Variants in MCF2L observed in about 807,000 individuals in gnomAD.
MCF2L encodes MCF.2 cell line derived transforming sequence like, also known as guanine nucleotide exchange factor DBS.
MCF2L carries 97 observed loss-of-function variants against 153.4 expected under a neutral mutation model. That is an observed-to-expected ratio of 0.63 (90% CI 0.54 to 0.75). MCF2L has a LOEUF of 0.75. Ranked by LOEUF, MCF2L falls within the 30% of genes least tolerant of loss-of-function variation. MCF2L has a pLI of 0.00. For missense variants in MCF2L, 1,347 were observed against 1,495.2 expected, an observed-to-expected ratio of 0.90 and a Z score of 1.64; for synonymous variants, 659 against 632.2, an observed-to-expected ratio of 1.04 and a Z score of -0.64.
chr13:113,056,230 A>G (rs2087759272), intron 4 of MCF2L, among the ~76,000 whole-genome samples: 1 of 152,152 alleles, frequency 6.6e-6, no homozygotes, highest in African/African-American at 2.4e-5. Flanking sequence ...TTTAATTCCT[A>G]CAAGGCAGGT....
chr13:113,055,932 C>T (rs960574457), intron 4 of MCF2L, among the ~76,000 whole-genome samples: 2 of 152,168 alleles, frequency 1.3e-5, no homozygotes, highest in Non-Finnish European at 1.5e-5. Context: ...TGGAGAGCAG[C>T]GGAGACAGGA....
At position 113,076,131 on chromosome 13, in the gene MCF2L, G is replaced by GT. The variant is rs1566850372; in HGVS notation, c.1474_1475insT (p.Glu492ValfsTer69). The GT allele has an allele frequency of 6.2e-7, 1 of 1,613,640 alleles. No individual in the cohort carries two copies. Among genetic ancestry groups the GT allele is most frequent in the East Asian group, 2.2e-5 (1 of 44,870 alleles). The stretch of plus-strand genomic sequence containing the variant: ...GCTCAACGCGATTTACAAGGAATAC[G>GT]AATCCATCCTCAACCAAGATCTCAT... On this transcript the variant is annotated frameshift_variant, in exon 12 of 30. Coordinates refer to ENST00000535094, the MANE Select transcript of MCF2L (RefSeq NM_001112732.3). LOFTEE classifies it high-confidence loss of function.
chr13:112,902,281 G>T (rs1395818441), exon 2 of MCF2L: 1 of 1,612,704 alleles, frequency 6.2e-7, no homozygotes. Flanking sequence ...GCCCAATGAG[G>T]CCAAAAAGGA....
chr13:112,920,359 G>A (rs2081339813), intron 2 of MCF2L, among the ~76,000 whole-genome samples: 1 of 152,196 alleles, frequency 6.6e-6, no homozygotes, highest in Non-Finnish European at 1.5e-5. Flanking sequence ...TGATGTCTGT[G>A]TGTTGCTGCT....
At chr13:112,913,991 G>A (rs143976877) in intron 2 of MCF2L, among the ~76,000 whole-genome samples, 2 of 152,282 alleles carry the variant, frequency 1.3e-5, no homozygotes, top group African/African-American at 2.4e-5. Flanking sequence ...CCTTAGCGTT[G>A]CGTTGGGACG....
chr13:113,054,190 A>G lies in MCF2L; in HGVS notation c.370-6403A>G, dbSNP rs924395860. The G allele has an allele frequency of 1.8e-5, 3 of 167,332 alleles. No homozygotes were observed. Among genetic ancestry groups the G allele is most frequent in the African/African-American group, 7.2e-5 (3 of 41,424 alleles). The allele number at this position is 167,332 out of a possible 1,614,324, so 10.4% of individuals were successfully genotyped here. A position where few individuals can be genotyped will look rare whatever the true frequency, so the allele number is the denominator to read the frequency against. On this transcript the variant is annotated intron_variant, in intron 4 of 29. Coordinates refer to ENST00000535094, the MANE Select transcript of MCF2L (RefSeq NM_001112732.3). This position sits in a 1 kb window ranked among gnomAD's most constrained non-coding sequence, Gnocchi z 5.2. ...AGTCCAATCTCAGGATCCTGGATGCACGCCTGTTCTCCAGGTCTGCTTCCC... is the reference window on the plus strand; with the variant it reads ...AGTCCAATCTCAGGATCCTGGATGCGCGCCTGTTCTCCAGGTCTGCTTCCC...
At chr13:113,081,584 G>A (rs1033573683) in intron 16 of MCF2L, among the ~76,000 whole-genome samples, 4 of 152,270 alleles carry the variant, frequency 2.6e-5, no homozygotes, top group Admixed American at 6.5e-5. Flanking sequence ...CAGGGTGCCT[G>A]CGATTCCCGG....
At chr13:112,967,254 T>A (rs931602952), upstream of MCF2L, among the ~76,000 whole-genome samples, 1 of 152,146 alleles carries the variant, frequency 6.6e-6, no homozygotes, top group Non-Finnish European at 1.5e-5. Context: ...CAGACCCATT[T>A]GAGGGCACTT....
intron 3 of MCF2L, among the ~76,000 whole-genome samples, chr13:113,036,542 C>G (rs988772591): frequency 2.6e-5 from 4 of 152,114 alleles, no homozygotes; most frequent in Non-Finnish European, 2.9e-5. Context: ...GGGGCTGATT[C>G]CATGGAGGGC....
chr13:113,082,763 A>G (rs2476325), intron 17 of MCF2L, among the ~76,000 whole-genome samples: 120,654 of 151,934 alleles, frequency 0.79, 48,841 homozygotes, highest in East Asian at 1. Context: ...CTAGGCAGCC[A>G]AGTTGTAAGT....
rs373649909 is a variant in MCF2L at position 113,076,037 on chromosome 13, C to T, written c.1380C>T (p.Asp460=). 93 of 1,613,820 alleles carry T rather than the reference C, an allele frequency of 5.8e-5. No individual in the cohort carries two copies. Among genetic ancestry groups the T allele is most frequent in the Admixed American group, 1.3e-4 (8 of 59,988 alleles). The change falls in exon 12 of 30, where the codon GAC becomes GAT. Residue 460 remains aspartate (D), a synonymous_variant. Coordinates refer to ENST00000535094, the MANE Select transcript of MCF2L (RefSeq NM_001112732.3). ...SQPVDKCQSQ[D]GAEAALQEIE... The stretch of plus-strand genomic sequence containing the variant: ...CTGTGGACAAGTGCCAGTCCCAGGA[C>T]GGCGCGGAGGCTGCCCTCCAGGAAA...
At chr13:113,030,509 G>T (rs560377969) in intron 3 of MCF2L, among the ~76,000 whole-genome samples, 43 of 148,136 alleles carry the variant, frequency 2.9e-4, no homozygotes, top group Non-Finnish European at 3.7e-4. Context: ...GGACTCTCAG[G>T]TGTCCGCTGA....
chr13:112,920,402 T>C (rs2081340457), intron 2 of MCF2L, among the ~76,000 whole-genome samples: 1 of 152,162 alleles, frequency 6.6e-6, no homozygotes, highest in Non-Finnish European at 1.5e-5. Context: ...CGCGTGTTTG[T>C]GATCAGTTAT....
chr13:112,934,656 C>T (rs988931643), intron 2 of MCF2L, among the ~76,000 whole-genome samples: 3 of 150,242 alleles, frequency 2.0e-5, no homozygotes, highest in Non-Finnish European at 4.4e-5. Context: ...CGTTCTCAGC[C>T]GCCCAGTTGC....
chr13:113,001,970 GA>G, intron 1 of MCF2L: 1 of 1,589,184 alleles, frequency 6.3e-7, no homozygotes, highest in Non-Finnish European at 8.5e-7. Context: ...GGCTGCTGCT[GA>G]AGGCCGGCGC....
intron 1 of MCF2L, among the ~76,000 whole-genome samples, chr13:112,988,054 C>T (rs1274830813): frequency 5.9e-5 from 9 of 152,164 alleles, no homozygotes; most frequent in African/African-American, 2.2e-4. Context: ...GGTCAGGCTG[C>T]GGGGCGAGGA....
intron 15 of MCF2L, 58 bp from the exon 16 acceptor site, chr13:113,081,155 G>A (rs2034095539): frequency 7.0e-7 from 1 of 1,430,714 alleles, no homozygotes; most frequent in Non-Finnish European, 9.6e-7. Flanking sequence ...CTGTGGAGCA[G>A]ACCATTCCTG....
intron 1 of MCF2L, among the ~76,000 whole-genome samples, chr13:113,002,733 A>T (rs1368141045): frequency 2.0e-5 from 3 of 152,220 alleles, no homozygotes; most frequent in Non-Finnish European, 2.9e-5. Context: ...TTTTCAAGAG[A>T]TTTGTCCTAA....
At chr13:113,048,736 C>T (rs547903819) in intron 4 of MCF2L, among the ~76,000 whole-genome samples, 122 of 152,320 alleles carry the variant, frequency 8.0e-4, no homozygotes, top group Non-Finnish European at 1.5e-3. Flanking sequence ...GCCACCGCGC[C>T]CGGCTTATGG....
Sources: gnomAD v4.1 joint callset for allele counts (sites outside exome capture counted in the v4.1 genomes callset) on GRCh38, gnomAD v4.1.1 for gene constraint, Gnocchi (gnomAD v3.1) non-coding constraint, MANE v1.5 for transcripts, NCBI Gene and HGNC (gene_info 2026-07-23, HGNC 2026-07-21) for gene names.